Variants in AGAP1 observed in about 807,000 individuals in gnomAD.
AGAP1 encodes arf-GAP with GTPase, ANK repeat and PH domain-containing protein 1.
Under a neutral mutation model 105.3 loss-of-function variants are expected in AGAP1, and 29 were observed. The observed-to-expected ratio is 0.28, with a 90% CI of 0.21 to 0.38. The LOEUF (loss-of-function observed/expected upper bound fraction) is 0.38, where lower values mean the gene tolerates loss of function less well. AGAP1 is among the 10% of genes least tolerant of loss of function. The probability of loss-of-function intolerance (pLI) is 1.00; values close to 1 mark genes in which losing one functional copy is unlikely to be tolerated. For synonymous variants in AGAP1, 509 were observed against 485.9 expected (o/e 1.05, Z -0.63); for missense variants, 998 against 1,165.1 (o/e 0.86, Z 2.09).
intron 1 of AGAP1, among the ~76,000 whole-genome samples, chr2:235,603,786 T>C (rs1178712115): frequency 6.6e-6 from 1 of 152,216 alleles, no homozygotes; most frequent in Non-Finnish European, 1.5e-5. Flanking sequence ...GAAGTCCTGC[T>C]TGTAAGTGTT....
intron 1 of AGAP1, among the ~76,000 whole-genome samples, chr2:235,637,392 C>A (rs1185989069): frequency 6.6e-6 from 1 of 152,074 alleles, no homozygotes. Context: ...TCCACCTCAG[C>A]CCCGCAAGTG....
intron 9 of AGAP1, among the ~76,000 whole-genome samples, chr2:235,811,701 C>T (rs1267305550): frequency 2.6e-5 from 4 of 152,206 alleles, no homozygotes; most frequent in Non-Finnish European, 5.9e-5. Context: ...GACGACCGCT[C>T]CCTGTCATGC....
chr2:235,552,414 G>A lies in AGAP1; in HGVS notation c.163+57565G>A, dbSNP rs551124592. 9.8e-5 allele frequency among the ~76,000 whole-genome samples: 15 copies of A among 152,290 alleles called. No individual in the cohort carries two copies. The South Asian group carries it at 3.1e-3, about 32-fold the overall frequency. ...GTGTTTAAGGCTTGGCATTGTTGGA[G>A]GTCAGGAAGACCAACTAAGTCAAGT... On this transcript the variant is annotated intron_variant, in intron 1 of 17. Transcript: ENST00000304032. This position sits in a 1 kb window ranked among gnomAD's most constrained non-coding sequence, Gnocchi z 5.9.
intron 9 of AGAP1, among the ~76,000 whole-genome samples, chr2:235,807,704 G>C (rs139035941): frequency 2.6e-5 from 4 of 152,170 alleles, no homozygotes; most frequent in African/African-American, 7.2e-5. Flanking sequence ...ACAGCCCGAC[G>C]TGGCCCTAAT....
At chr2:235,945,424 A>G (rs1335263859) in intron 12 of AGAP1, among the ~76,000 whole-genome samples, 2 of 152,208 alleles carry the variant, frequency 1.3e-5, no homozygotes, top group East Asian at 3.8e-4. Flanking sequence ...AAGTCCCACC[A>G]TTAAATGGAG....
At position 235,807,147 on chromosome 2, in the gene AGAP1, T is replaced by C. The variant is rs1197593471; in HGVS notation, c.958-92T>C. On this transcript the variant is annotated intron_variant, in intron 8 of 17. Coordinates refer to ENST00000304032, the MANE Select transcript of AGAP1 (RefSeq NM_001037131.3). ...ACATAGATCGCGCATGTTTTCTAAA[T>C]GTGTATTGGCAGGAATTCTGCAAAC... 5 of 1,292,690 alleles carry C rather than the reference T, an allele frequency of 3.9e-6. No individual in the cohort carries two copies. The African/African-American group carries it at 6.0e-5, about 16-fold the overall frequency. The allele number at this position is 1,292,690 out of a possible 1,614,324, so 80.1% of individuals were successfully genotyped here.
At chr2:235,643,541 G>A (rs1559309871) in intron 1 of AGAP1, among the ~76,000 whole-genome samples, 1 of 151,188 alleles carries the variant, frequency 6.6e-6, no homozygotes, top group African/African-American at 2.4e-5. Flanking sequence ...TCATCATAAT[G>A]GCACTGGGGA....
At chr2:235,894,310 T>A (rs1041073914) in intron 10 of AGAP1, among the ~76,000 whole-genome samples, 3 of 152,090 alleles carry the variant, frequency 2.0e-5, no homozygotes, top group African/African-American at 7.2e-5. Flanking sequence ...TAATCCCCAT[T>A]GAACAGAGCC....
At chr2:235,938,187 G>C (rs544479253) in intron 12 of AGAP1, among the ~76,000 whole-genome samples, 1 of 152,298 alleles carries the variant, frequency 6.6e-6, no homozygotes, top group South Asian at 2.1e-4. Flanking sequence ...AGGCCCCCAG[G>C]AGATGAGTGC....
chr2:235,605,449 A>G (rs1945897095), intron 1 of AGAP1, among the ~76,000 whole-genome samples: 1 of 152,262 alleles, frequency 6.6e-6, no homozygotes, highest in South Asian at 2.1e-4. Flanking sequence ...GTTTTTCACC[A>G]GACGACGCCG....
At chr2:235,999,053 A>T (rs922456343) in intron 13 of AGAP1, among the ~76,000 whole-genome samples, 2 of 147,506 alleles carry the variant, frequency 1.4e-5, no homozygotes, top group Admixed American at 1.3e-4. Flanking sequence ...GGCAAGAATG[A>T]TAATGATGGT....
chr2:236,021,952 G>T (rs748605686), intron 13 of AGAP1, among the ~76,000 whole-genome samples: 7 of 151,388 alleles, frequency 4.6e-5, no homozygotes, highest in Non-Finnish European at 1.0e-4. Context: ...CCAGCTACTC[G>T]GGAGGCTGAG....
At position 236,046,937 on chromosome 2, in the gene AGAP1, G is replaced by A. The variant is rs2057736627; in HGVS notation, c.1892-2122G>A. On this transcript the variant is annotated intron_variant, in intron 15 of 17. Coordinates refer to ENST00000304032, the MANE Select transcript of AGAP1 (RefSeq NM_001037131.3). The surrounding 1 kb of genome is among the most constrained non-coding windows in gnomAD (Gnocchi z 5.2). ...TGCTTGAGCCCAGTGGTTGAAGCCTGGGCAACATAGCAAGACCCCATCTGT... is the reference window on the plus strand; with the variant it reads ...TGCTTGAGCCCAGTGGTTGAAGCCTAGGCAACATAGCAAGACCCCATCTGT... Among the ~76,000 whole-genome samples the A allele has an allele frequency of 6.6e-6, 1 of 152,160 alleles. No individual in the cohort carries two copies. Among genetic ancestry groups the A allele is most frequent in the Non-Finnish European group, 1.5e-5 (1 of 68,026 alleles).
intron 12 of AGAP1, among the ~76,000 whole-genome samples, chr2:235,952,342 A>G (rs1453062959): frequency 6.6e-6 from 1 of 151,228 alleles, no homozygotes; most frequent in Non-Finnish European, 1.5e-5. Context: ...CAAAGAAGTT[A>G]TAACATAGGT....
At chr2:235,657,892 T>G (rs1947825420) in intron 1 of AGAP1, among the ~76,000 whole-genome samples, 1 of 152,082 alleles carries the variant, frequency 6.6e-6, no homozygotes, top group Non-Finnish European at 1.5e-5. Context: ...AAGAGGAGAT[T>G]AAGACGCAGA....
At chr2:236,111,222 T>A (rs1025005264) in intron 16 of AGAP1, among the ~76,000 whole-genome samples, 1 of 152,108 alleles carries the variant, frequency 6.6e-6, no homozygotes, top group Non-Finnish European at 1.5e-5. Context: ...GTGTTTCCAG[T>A]CACTGGGATG....
At chr2:235,863,184 G>C (rs961591436) in intron 9 of AGAP1, among the ~76,000 whole-genome samples, 1 of 152,230 alleles carries the variant, frequency 6.6e-6, no homozygotes, top group Non-Finnish European at 1.5e-5. Flanking sequence ...ATAAGCTCAT[G>C]ATGTAGCAAC....
intron 14 of AGAP1, among the ~76,000 whole-genome samples, chr2:236,039,329 C>T (rs940438150): frequency 6.6e-6 from 1 of 152,026 alleles, no homozygotes; most frequent in Non-Finnish European, 1.5e-5. Flanking sequence ...CCTGTAGTTC[C>T]AGCTACTCAG....
intron 13 of AGAP1, among the ~76,000 whole-genome samples, chr2:235,980,302 C>T (rs762023858): frequency 6.6e-6 from 1 of 152,198 alleles, no homozygotes; most frequent in African/African-American, 2.4e-5. Context: ...GTGCCTTGTA[C>T]ATCGTCATCC....
Sources: gnomAD v4.1 joint callset for allele counts (sites outside exome capture counted in the v4.1 genomes callset) on GRCh38, gnomAD v4.1.1 for gene constraint, Gnocchi (gnomAD v3.1) non-coding constraint, MANE v1.5 for transcripts, NCBI Gene and HGNC (gene_info 2026-07-23, HGNC 2026-07-21) for gene names.